The following SPOCK1 variants were observed in gnomAD, a reference collection of about 807,000 sequenced individuals.
SPOCK1 encodes testican-1.
SPOCK1 carries 23 observed loss-of-function variants against 55.3 expected under a neutral mutation model. The ratio of observed to expected loss-of-function variants is 0.42; its 90% CI spans 0.30 to 0.59. The LOEUF (loss-of-function observed/expected upper bound fraction) is 0.59, where lower values mean the gene tolerates loss of function less well. SPOCK1 is among the 20% of genes least tolerant of loss of function. The pLI is 0.22. For missense variants in SPOCK1, 499 were observed against 552.5 expected (o/e 0.90, Z 0.97); for synonymous variants, 226 against 221.0 (o/e 1.02, Z -0.20).
intron 4 of SPOCK1, among the ~76,000 whole-genome samples, chr5:137,128,356 C>T (rs1014818676): frequency 1.3e-5 from 2 of 152,184 alleles, no homozygotes; most frequent in Non-Finnish European, 2.9e-5. Context: ...AAACCCAGAA[C>T]ATTAAAAATA....
intron 5 of SPOCK1, among the ~76,000 whole-genome samples, chr5:137,083,912 A>G (rs991138321): frequency 2.6e-5 from 4 of 151,950 alleles, no homozygotes; most frequent in Non-Finnish European, 5.9e-5. Flanking sequence ...CCGAGAGGAA[A>G]GAATCTGGAG....
chr5:137,345,203 G>T (rs532320673), intron 2 of SPOCK1, among the ~76,000 whole-genome samples: 1 of 152,208 alleles, frequency 6.6e-6, no homozygotes, highest in Non-Finnish European at 1.5e-5. Flanking sequence ...AGAGCTGGAA[G>T]GACTAAAGTC....
chr5:137,445,967 AC>A (rs1223750135), intron 2 of SPOCK1, among the ~76,000 whole-genome samples: 1 of 152,200 alleles, frequency 6.6e-6, no homozygotes. Flanking sequence ...GTGACCTAAG[AC>A]TGATTCCAGC....
intron 4 of SPOCK1, among the ~76,000 whole-genome samples, chr5:137,123,208 C>A (rs190568036): frequency 6.6e-6 from 1 of 152,180 alleles, no homozygotes; most frequent in Non-Finnish European, 1.5e-5. Flanking sequence ...GGAGAGGAGA[C>A]GGAGCCCCAG....
At chr5:137,106,310 A>C (rs979684061) in intron 5 of SPOCK1, among the ~76,000 whole-genome samples, 1 of 152,166 alleles carries the variant, frequency 6.6e-6, no homozygotes, top group Non-Finnish European at 1.5e-5. Context: ...TCCAGTCAGC[A>C]GCATCAGTGC....
intron 3 of SPOCK1, among the ~76,000 whole-genome samples, chr5:137,242,512 T>G (rs1385368538): frequency 6.6e-6 from 1 of 152,206 alleles, no homozygotes; most frequent in Non-Finnish European, 1.5e-5. Flanking sequence ...CTTTATAAAT[T>G]ACCTAGTCTC....
intron 1 of SPOCK1, 93 bp downstream of exon 1, chr5:137,499,086 A>C (rs1055077048): frequency 6.6e-6 from 1 of 152,160 alleles, no homozygotes; most frequent in Non-Finnish European, 1.5e-5. Context: ...GCGCGGAGGT[A>C]ACCCCAGGCC....
chr5:137,328,807 C>T (rs1346445165), intron 2 of SPOCK1, among the ~76,000 whole-genome samples: 1 of 152,172 alleles, frequency 6.6e-6, no homozygotes, highest in East Asian at 1.9e-4. Context: ...CCATCTGCAT[C>T]ACTACTTCTA....
chr5:137,156,169 A>T (rs1248912857), intron 3 of SPOCK1, among the ~76,000 whole-genome samples: 1 of 152,120 alleles, frequency 6.6e-6, no homozygotes, highest in Non-Finnish European at 1.5e-5. Context: ...AGTGCCTCTG[A>T]ACCCTGAGAG....
rs558266530 is a variant in SPOCK1 at position 136,980,023 on chromosome 5, T to C, written c.992-554A>G. Among the ~76,000 whole-genome samples, 65 of 152,286 alleles carry C rather than the reference T, an allele frequency of 4.3e-4. 1 individual carries two copies. Among genetic ancestry groups the C allele is most frequent in the African/African-American group, 1.5e-3 (63 of 41,568 alleles). ...ACAAATGTTCTATGAACAACACCAG[T>C]CTGTGGATCATATGGTTCCAAGCTA... is the stretch of plus-strand genomic sequence containing the variant. On this transcript the variant is annotated intron_variant, in intron 9 of 10. Transcript: ENST00000394945.
intron 6 of SPOCK1, among the ~76,000 whole-genome samples, chr5:137,005,094 C>T (rs1230360714): frequency 1.3e-5 from 2 of 152,114 alleles, no homozygotes; most frequent in Non-Finnish European, 2.9e-5. Flanking sequence ...AGAGTGAGCA[C>T]AGCTGATAAG....
At chr5:137,225,117 C>A (rs1382970140) in intron 3 of SPOCK1, among the ~76,000 whole-genome samples, 17 of 152,004 alleles carry the variant, frequency 1.1e-4, no homozygotes, top group Admixed American at 1.1e-3. Flanking sequence ...GAGCCGCACA[C>A]AGGAAACCCA....
At chr5:137,164,994 G>T (rs907881753) in intron 3 of SPOCK1, among the ~76,000 whole-genome samples, 1 of 152,212 alleles carries the variant, frequency 6.6e-6, no homozygotes, top group African/African-American at 2.4e-5. Flanking sequence ...GGGGGAACTC[G>T]CCACCCTAAA....
chr5:137,023,939 A>G (rs1441293877), intron 6 of SPOCK1, among the ~76,000 whole-genome samples: 1 of 151,026 alleles, frequency 6.6e-6, no homozygotes, highest in African/African-American at 2.4e-5. Flanking sequence ...ATTGGATCTA[A>G]TTAGCAAGTG....
At chr5:136,986,688 A>C (rs961859741) in intron 8 of SPOCK1, among the ~76,000 whole-genome samples, 2 of 152,152 alleles carry the variant, frequency 1.3e-5, no homozygotes, top group Non-Finnish European at 2.9e-5. Context: ...GGGAGGGAAT[A>C]TAGTGCAAAA....
At chr5:137,333,958 A>G (rs1750175411) in intron 2 of SPOCK1, among the ~76,000 whole-genome samples, 1 of 152,178 alleles carries the variant, frequency 6.6e-6, no homozygotes. Context: ...ATCATGTCCA[A>G]TGCATCACTG....
chr5:137,229,606 C>G (rs560096621), intron 3 of SPOCK1, among the ~76,000 whole-genome samples: 1 of 152,132 alleles, frequency 6.6e-6, no homozygotes, highest in African/African-American at 2.4e-5. Flanking sequence ...GGGGCTCAGA[C>G]GAGAGATGTA....
At chr5:137,299,718 T>A (rs1757550202) in intron 2 of SPOCK1, among the ~76,000 whole-genome samples, 1 of 152,146 alleles carries the variant, frequency 6.6e-6, no homozygotes, top group African/African-American at 2.4e-5. Flanking sequence ...AATATTTTGT[T>A]CCATTGTTAT....
chr5:137,064,275 T>A (rs758494395), intron 6 of SPOCK1, among the ~76,000 whole-genome samples: 1 of 152,186 alleles, frequency 6.6e-6, no homozygotes, highest in Non-Finnish European at 1.5e-5. Flanking sequence ...ATTAACAGAA[T>A]TGACCTGGGA....
Sources: gnomAD v4.1 joint callset for allele counts (sites outside exome capture counted in the v4.1 genomes callset) on GRCh38, gnomAD v4.1.1 for gene constraint, MANE v1.5 for transcripts, NCBI Gene and HGNC (gene_info 2026-07-23, HGNC 2026-07-21) for gene names.